CHRM2: variants seen among roughly 807,000 people sequenced by gnomAD.
CHRM2 encodes cholinergic receptor muscarinic 2.
A neutral mutation model predicts 25.0 loss-of-function variants in CHRM2; 8 were observed. The observed-to-expected ratio is 0.32, with a 90% confidence interval of 0.19 to 0.58. The LOEUF is 0.58. Among genes scored for constraint, CHRM2 ranks in the 20% least tolerant of loss-of-function variants. The pLI, the probability that CHRM2 is intolerant of heterozygous loss-of-function variation, is 0.88. For synonymous variants in CHRM2, 202 were observed against 205.7 expected, an observed-to-expected ratio of 0.98 and a Z score of 0.15; for missense variants, 440 against 567.1, an observed-to-expected ratio of 0.78 and a Z score of 2.28.
chr7:136,881,988 A>G (rs1584691486), intron 2 of CHRM2, among the ~76,000 whole-genome samples: 3 of 152,094 alleles, frequency 2.0e-5, no homozygotes, highest in East Asian at 1.9e-4. Context: ...TAACCTTTAA[A>G]TGAAACACCA....
At chr7:136,971,324 C>T (rs766916998) in intron 2 of CHRM2, among the ~76,000 whole-genome samples, 9 of 152,150 alleles carry the variant, frequency 5.9e-5, no homozygotes, top group Non-Finnish European at 1.0e-4. Flanking sequence ...ATTTAGACCA[C>T]ACTAGTTCAG....
At chr7:136,878,233 G>T (rs759864767) in intron 2 of CHRM2, among the ~76,000 whole-genome samples, 3 of 151,960 alleles carry the variant, frequency 2.0e-5, no homozygotes, top group Non-Finnish European at 4.4e-5. Flanking sequence ...CAGGGCCAAA[G>T]CATGTTTCCC....
chr7:136,994,675 G>A (rs1803473478), intron 3 of CHRM2, among the ~76,000 whole-genome samples: 1 of 150,766 alleles, frequency 6.6e-6, no homozygotes, highest in Admixed American at 6.6e-5. Flanking sequence ...TAGCACTATT[G>A]TCTTTATTCA....
intron 2 of CHRM2, among the ~76,000 whole-genome samples, chr7:136,931,594 AT>A (rs1483773460): frequency 1.3e-5 from 2 of 152,182 alleles, no homozygotes; most frequent in African/African-American, 2.4e-5. Flanking sequence ...CTCCCCCATC[AT>A]GAAATCCAAA....
At chr7:136,908,109 T>C (rs954941180) in intron 2 of CHRM2, 1 of 152,068 alleles carries the variant, frequency 6.6e-6, no homozygotes, top group African/African-American at 2.4e-5. Flanking sequence ...ACCCATTACA[T>C]GTTTAAGGAC....
chr7:136,892,871 T>C (rs113449570), intron 2 of CHRM2, among the ~76,000 whole-genome samples: 8 of 152,176 alleles, frequency 5.3e-5, no homozygotes, highest in African/African-American at 1.9e-4. Flanking sequence ...GATTTCACCA[T>C]GTTGGCCAAG....
At chr7:136,949,182 A>G (rs1250768911) in intron 2 of CHRM2, among the ~76,000 whole-genome samples, 1 of 152,192 alleles carries the variant, frequency 6.6e-6, no homozygotes, top group African/African-American at 2.4e-5. Flanking sequence ...AATATTTAAT[A>G]CACTACAGAT....
intron 2 of CHRM2, among the ~76,000 whole-genome samples, chr7:136,879,933 G>T (rs1796197210): frequency 6.6e-6 from 1 of 151,770 alleles, no homozygotes; most frequent in Non-Finnish European, 1.5e-5. Flanking sequence ...AACCGCAGGG[G>T]TCGTTTTCAT....
intron 2 of CHRM2, among the ~76,000 whole-genome samples, chr7:136,906,320 C>T (rs540675229): frequency 3.3e-5 from 5 of 150,448 alleles, no homozygotes; most frequent in African/African-American, 7.3e-5. Context: ...TGTGTGCGCA[C>T]ACATATACAT....
At chr7:136,906,226 TTGTA>T (rs1014425958) in intron 2 of CHRM2, among the ~76,000 whole-genome samples, 4 of 151,014 alleles carry the variant, frequency 2.6e-5, no homozygotes, top group Non-Finnish European at 5.9e-5. Context: ...TATATATGGT[TTGTA>T]TGTATGTACA....
intron 3 of CHRM2, among the ~76,000 whole-genome samples, chr7:136,998,146 TGAGA>T (rs1160618010): frequency 6.6e-6 from 1 of 152,184 alleles, no homozygotes; most frequent in Non-Finnish European, 1.5e-5. Flanking sequence ...GGAGCTAGAT[TGAGA>T]GAATTAGTTC....
At chr7:136,966,970 C>T (rs1355986810) in intron 2 of CHRM2, among the ~76,000 whole-genome samples, 1 of 151,812 alleles carries the variant, frequency 6.6e-6, no homozygotes, top group Non-Finnish European at 1.5e-5. Flanking sequence ...TGGTATAATT[C>T]CAAGCAAACT....
At chr7:136,983,366 G>A (rs1584874483) in intron 2 of CHRM2, among the ~76,000 whole-genome samples, 6 of 152,158 alleles carry the variant, frequency 3.9e-5, no homozygotes, top group Admixed American at 3.3e-4. Context: ...TTCCTTGCAT[G>A]GGGTTAGAAC....
In CHRM2 at chr7:137,016,646, T is replaced by G; in HGVS notation, c.*380T>G. On this transcript the variant is annotated 3_prime_UTR_variant, in exon 4 of 4. Transcript: ENST00000680005. ...TGTTGTTGTTGTTCTCATGTGTCCT[T>G]AAGAGAAGGAAATGCCACAGTTACA... 4.5e-6 allele frequency: 1 copy of G among 221,262 alleles called. No homozygotes were observed. Among genetic ancestry groups the G allele is most frequent in the Non-Finnish European group, 9.8e-6 (1 of 101,760 alleles). 13.7% of individuals were successfully genotyped at this position (221,262 alleles called of 1,614,324 possible).
chr7:136,959,739 C>T (rs540950149), intron 2 of CHRM2, among the ~76,000 whole-genome samples: 1 of 152,200 alleles, frequency 6.6e-6, no homozygotes, highest in South Asian at 2.1e-4. Context: ...TGGAGAAGCA[C>T]GATCTCTACT....
intron 2 of CHRM2, among the ~76,000 whole-genome samples, chr7:136,985,603 G>A (rs182617440): frequency 6.7e-6 from 1 of 148,316 alleles, no homozygotes; most frequent in African/African-American, 2.5e-5. Flanking sequence ...ATCAATCTAA[G>A]ACAGGATTAC....
At chr7:136,874,533 T>C (rs985168756) in intron 2 of CHRM2, among the ~76,000 whole-genome samples, 24 of 135,910 alleles carry the variant, frequency 1.8e-4, no homozygotes, top group African/African-American at 5.6e-4. Context: ...CTCTTTTTTT[T>C]CTCTGTCTTC....
intron 2 of CHRM2, among the ~76,000 whole-genome samples, chr7:136,885,908 A>G (rs1796444297): frequency 6.6e-6 from 1 of 152,140 alleles, no homozygotes; most frequent in Non-Finnish European, 1.5e-5. Context: ...TAGGAATGGA[A>G]CATTCAGAGT....
intron 2 of CHRM2, among the ~76,000 whole-genome samples, chr7:136,888,309 C>T (rs555267204): frequency 1.3e-5 from 2 of 152,262 alleles, no homozygotes; most frequent in South Asian, 2.1e-4. Flanking sequence ...GTCTGCTAAA[C>T]GTACATGTCC....
Sources: gnomAD v4.1 joint callset for allele counts (sites outside exome capture counted in the v4.1 genomes callset) on GRCh38, gnomAD v4.1.1 for gene constraint, MANE v1.5 for transcripts, NCBI Gene and HGNC (gene_info 2026-07-23, HGNC 2026-07-21) for gene names.